The following EME1 variants were observed in gnomAD, a reference collection of about 807,000 sequenced individuals.
The protein encoded by EME1 is structure-specific endonuclease subunit EME1.
In EME1, 61 loss-of-function variants were observed where a neutral mutation model predicts 59.1. The ratio of observed to expected loss-of-function variants is 1.03; its 90% CI spans 0.84 to 1.28. EME1 has a LOEUF of 1.28. Among genes scored for constraint, EME1 ranks in the 50% most tolerant of loss-of-function variants. The pLI, the probability that EME1 is intolerant of heterozygous loss-of-function variation, is 0.00. For synonymous variants in EME1, 230 were observed against 254.2 expected, an observed-to-expected ratio of 0.90 and a Z score of 0.90; for missense variants, 635 against 682.6, an observed-to-expected ratio of 0.93 and a Z score of 0.78.
At chr17:50,379,682 A>C in intron 7 of EME1, 115 bp downstream of exon 7, 2 of 896,704 alleles carry the variant, frequency 2.2e-6, no homozygotes, top group Non-Finnish European at 3.4e-6. Flanking sequence ...ATTGTCTCTC[A>C]AGCTTGAGGC....
At chr17:50,378,240 T>C (rs1913574727) in intron 3 of EME1, among the ~76,000 whole-genome samples, 1 of 151,994 alleles carries the variant, frequency 6.6e-6, no homozygotes, top group Non-Finnish European at 1.5e-5. Context: ...CTAATTTTTG[T>C]ATTTTTAATA....
intron 5 of EME1, 58 bp downstream of exon 5, chr17:50,378,953 G>A (rs993468388): frequency 6.2e-7 from 1 of 1,613,478 alleles, no homozygotes; most frequent in African/African-American, 1.3e-5. Flanking sequence ...GCCAAGGGGG[G>A]TGAGTTTAGT....
Position 50,378,661 on chromosome 17 carries a change from A to G in EME1, c.970A>G (p.Met324Val). The G allele has an allele frequency of 6.2e-7, 1 of 1,614,144 alleles. No homozygotes were observed. The highest frequency in any genetic ancestry group is 1.1e-5 in the South Asian group (1 of 91,088). The change falls in exon 4 of 9, where the codon ATG (methionine) becomes GTG (valine). Residue 324 changes from methionine to valine, a missense_variant. Physicochemically the swap from Met to Val is conservative, Grantham distance 21. Transcript: ENST00000338165. ...GCTCCGGGCAGAGGCATTTGTGTCCATGATCGACAATGGAAAGCAGGTGGG... is the reference window on the plus strand; with the variant it reads ...GCTCCGGGCAGAGGCATTTGTGTCCGTGATCGACAATGGAAAGCAGGTGGG... ...VLLRAEAFVS[M>V]IDNGKQGSLD...
At chr17:50,378,971 T>C in intron 5 of EME1, 76 bp downstream of exon 5, 2 of 1,612,880 alleles carry the variant, frequency 1.2e-6, no homozygotes, top group Non-Finnish European at 8.5e-7. Context: ...AGTTTATTCA[T>C]TGCAGATGTA....
In EME1 at chr17:50,380,770, AG is replaced by A; in HGVS notation, c.1545del (p.Gln515HisfsTer24). The stretch of plus-strand genomic sequence containing the variant: ...GTCATCTACCACTTCCAGGCTTATC[AG>A]CAGTGTTTTTCGGATAAAGAACGCC... ...PSPQLLVQAY[Q>X]QCFSDKERQN... On this transcript the variant is annotated frameshift_variant, in exon 9 of 9. Coordinates refer to ENST00000338165, the MANE Select transcript of EME1 (RefSeq NM_152463.4). LOFTEE classifies it high-confidence loss of function. 6.2e-7 allele frequency: 1 copy of A among 1,614,152 alleles called. No individual in the cohort carries two copies. Among genetic ancestry groups the A allele is most frequent in the Non-Finnish European group, 8.5e-7 (1 of 1,180,036 alleles).
In EME1 at chr17:50,376,107, C is replaced by T; in HGVS notation, c.817C>T (p.Leu273=). The T allele has an allele frequency of 6.2e-7, 1 of 1,614,138 alleles. No homozygotes were observed. The highest frequency in any genetic ancestry group is 1.3e-5 in the African/African-American group (1 of 75,044). ...AGGTGGGGGCCAGCTCCTAGGAGCA[C>T]TGCAGACCATGGAGTGCCGCTGTGT... ...MEGGGQLLGA[L]QTMECRCVIE... Residue 273 remains leucine (L), a synonymous_variant, in exon 3 of 9, where the codon CTG becomes TTG. Coordinates refer to ENST00000338165, the MANE Select transcript of EME1 (RefSeq NM_152463.4).
chr17:50,375,001 G>T, intron 1 of EME1, 184 bp from the exon 2 acceptor site: 1 of 499,706 alleles, frequency 2.0e-6, no homozygotes, highest in Non-Finnish European at 3.5e-6. Context: ...AAGAATTTGA[G>T]GAGGATTCCT....
At chr17:50,378,521 A>C (rs1381460604) in intron 3 of EME1, 74 bp from the exon 4 acceptor site, 1 of 1,431,720 alleles carries the variant, frequency 7.0e-7, no homozygotes, top group African/African-American at 1.4e-5. Context: ...CACCCAGAAG[A>C]CCTGGGCCAC....
chr17:50,374,459 G>A (rs549575719), intron 1 of EME1, among the ~76,000 whole-genome samples: 2 of 151,990 alleles, frequency 1.3e-5, no homozygotes, highest in African/African-American at 2.4e-5. Flanking sequence ...GGCTGTTCTC[G>A]AACTCCTGGG....
Position 50,379,146 on chromosome 17 carries a change from T to C in EME1, c.1152T>C (p.Asn384=). 4.3e-6 allele frequency: 7 copies of C among 1,614,022 alleles called. No individual in the cohort carries two copies. The highest frequency in any genetic ancestry group is 5.9e-6 in the Non-Finnish European group (7 of 1,180,014). The change falls in exon 6 of 9, where the codon AAT becomes AAC. Residue 384 remains asparagine, a synonymous_variant. Coordinates refer to ENST00000338165, the MANE Select transcript of EME1 (RefSeq NM_152463.4). ...CAAGAAGAGGGAAACAGGGAGCAAATAAACAGACCAAGAAGCAGCAGCAGA... is the reference window on the plus strand; with the variant it reads ...CAAGAAGAGGGAAACAGGGAGCAAACAAACAGACCAAGAAGCAGCAGCAGA... ...NPPRRGKQGA[N]KQTKKQQQRQ...
At chr17:50,374,931 C>T (rs547721606) in intron 1 of EME1, 51 of 304,138 alleles carry the variant, frequency 1.7e-4, no homozygotes, top group Non-Finnish European at 3.1e-4. Context: ...GTTACCACCT[C>T]CCCCCATTAA....
rs554049830 is a variant in EME1 at position 50,381,102 on chromosome 17, G to A, written c.*163G>A. 1.4e-4 allele frequency: 104 copies of A among 756,064 alleles called. 1 individual carries two copies. The highest frequency in any genetic ancestry group is 1.3e-3 in the African/African-American group (76 of 56,810). The allele number at this position is 756,064 out of a possible 1,614,324, so 46.8% of individuals were successfully genotyped here. ...ATTTGTGAAGGTCTCTCTGCCTGTCGGCTGGGGCAGAGACTGAAATACTGC... is the reference window on the plus strand; with the variant it reads ...ATTTGTGAAGGTCTCTCTGCCTGTCAGCTGGGGCAGAGACTGAAATACTGC... On this transcript the variant is annotated 3_prime_UTR_variant, in exon 9 of 9. Transcript: ENST00000338165.
rs747902692 is a variant in EME1, at chr17:50,375,976, G to A, written c.768G>A (p.Leu256=). 1 of 1,605,752 alleles carries A rather than the reference G, an allele frequency of 6.2e-7. No individual in the cohort carries two copies. The highest frequency in any genetic ancestry group is 8.5e-7 in the Non-Finnish European group (1 of 1,174,316). Residue 256 remains leucine, a synonymous_variant, in exon 2 of 9, where the codon CTG becomes CTA. Transcript: ENST00000338165. ...EECLKHIIVV[L]DPVLLQMEGG... ...GCTTAAAACACATCATTGTAGTGCT[G>A]GATCCAGGTCCTCACATGTGTCTTT...
rs2143305552 is a variant in EME1, at chr17:50,375,896, G to A, written c.688G>A (p.Glu230Lys). Reference protein sequence around the residue: ...RQKESTLRRQERKNAALVTRM... With the variant: ...RQKESTLRRQKRKNAALVTRM... ...GAAGGAAAGCACCCTGAGAAGACAG[G>A]AAAGAAAGAATGCAGCACTGGTTAC... The change falls in exon 2 of 9, where the codon GAA becomes AAA. Residue 230 changes from glutamate (E) to lysine (K), a missense_variant. By Grantham distance (56) the Glu-to-Lys change is moderately conservative. Transcript: ENST00000338165. The A allele has an allele frequency of 2.5e-6, 4 of 1,613,896 alleles. No homozygotes were observed. The highest frequency in any genetic ancestry group is 3.4e-6 in the Non-Finnish European group (4 of 1,179,906).
At chr17:50,374,151 C>T (rs1354514633) in intron 1 of EME1, among the ~76,000 whole-genome samples, 1 of 152,144 alleles carries the variant, frequency 6.6e-6, no homozygotes, top group Non-Finnish European at 1.5e-5. Context: ...ATGATGGTTG[C>T]ACAACATTGT....
Position 50,375,911 on chromosome 17 carries a change from G to A in EME1, c.703G>A (p.Ala235Thr), listed in dbSNP as rs757867380. ...GAGAAGACAGGAAAGAAAGAATGCA[G>A]CACTGGTTACCAGGATGAAAGCCCA... The part of the protein sequence containing the change: ...TLRRQERKNA[A>T]LVTRMKAQRP... Residue 235 changes from alanine to threonine, a missense_variant, in exon 2 of 9, where the codon GCA (alanine) becomes ACA (threonine). Coordinates refer to ENST00000338165, the MANE Select transcript of EME1 (RefSeq NM_152463.4). 14 of 1,613,010 alleles carry A rather than the reference G, an allele frequency of 8.7e-6. No homozygotes were observed. The Admixed American group carries it at 2.2e-4, about 25-fold the overall frequency.
At chr17:50,376,282 G>T (rs1913469113) in intron 3 of EME1, 89 bp downstream of exon 3, 2 of 1,545,536 alleles carry the variant, frequency 1.3e-6, no homozygotes, top group African/African-American at 2.7e-5. Context: ...TACTTATCAG[G>T]GCCCCAGCAG....
At chr17:50,379,627 C>G in intron 7 of EME1, 60 bp downstream of exon 7, 1 of 1,443,586 alleles carries the variant, frequency 6.9e-7, no homozygotes. Context: ...ATGGCTCTTG[C>G]AGTCAAAGCA....
In EME1 at chr17:50,375,586, A is replaced by G. The variant is rs377462951; in HGVS notation, c.378A>G (p.Gln126=). The change falls in exon 2 of 9, where the codon CAA becomes CAG. Residue 126 remains glutamine, a synonymous_variant. Coordinates refer to ENST00000338165, the MANE Select transcript of EME1 (RefSeq NM_152463.4). ...SSPVKSVLDH[Q]NNEGASCDWK... Reference sequence around the variant, plus strand: ...CAGTTAAAAGTGTTTTGGATCATCAAAATAATGAAGGTGCATCATGTGACT... The same window carrying G: ...CAGTTAAAAGTGTTTTGGATCATCAGAATAATGAAGGTGCATCATGTGACT... The G allele has an allele frequency of 2.3e-5, 37 of 1,609,990 alleles. No homozygotes were observed. The highest frequency in any genetic ancestry group is 3.1e-5 in the Non-Finnish European group (37 of 1,179,394).
Sources: gnomAD v4.1 joint callset for allele counts (sites outside exome capture counted in the v4.1 genomes callset) on GRCh38, gnomAD v4.1.1 for gene constraint, MANE v1.5 for transcripts, NCBI Gene and HGNC (gene_info 2026-07-23, HGNC 2026-07-21) for gene names.